The following MSRA variants were observed in gnomAD, a reference collection of about 807,000 sequenced individuals.
MSRA encodes mitochondrial peptide methionine sulfoxide reductase.
MSRA carries 54 observed loss-of-function variants against 31.3 expected under a neutral mutation model. The observed-to-expected ratio is 1.73, with a 90% CI of 1.39 to 2.17. MSRA has a LOEUF of 2.17. Ranked by LOEUF, MSRA falls within the 30% of genes most tolerant of loss-of-function variation. The pLI is 0.00. For missense variants in MSRA, 507 were observed against 300.9 expected (o/e 1.69, Z -5.07); for synonymous variants, 169 against 116.5 (o/e 1.45, Z -2.90).
intron 2 of MSRA, among the ~76,000 whole-genome samples, chr8:10,231,830 G>A (rs1585227694): frequency 6.6e-6 from 1 of 152,280 alleles, no homozygotes; most frequent in Non-Finnish European, 1.5e-5. Context: ...TTGAGCCTGG[G>A]AGGCAGAGGT....
intron 1 of MSRA, among the ~76,000 whole-genome samples, chr8:10,114,775 A>C (rs995403277): frequency 6.6e-6 from 1 of 152,224 alleles, no homozygotes; most frequent in Non-Finnish European, 1.5e-5. Context: ...CCTTAAATTA[A>C]TGAAAGACTC....
chr8:10,168,951 T>G (rs921775439), intron 1 of MSRA, among the ~76,000 whole-genome samples: 1 of 151,590 alleles, frequency 6.6e-6, no homozygotes, highest in Non-Finnish European at 1.5e-5. Flanking sequence ...ATATAAAGAT[T>G]GAGTTGTTAC....
chr8:10,186,399 A>G (rs1201451155), intron 1 of MSRA, among the ~76,000 whole-genome samples: 2 of 152,188 alleles, frequency 1.3e-5, no homozygotes, highest in Non-Finnish European at 2.9e-5. Flanking sequence ...CTGTGTTCCC[A>G]TTAAATTTTA....
intron 1 of MSRA, among the ~76,000 whole-genome samples, chr8:10,173,267 C>T (rs1264296818): frequency 1.3e-5 from 2 of 152,248 alleles, no homozygotes; most frequent in African/African-American, 4.8e-5. Flanking sequence ...TGTCTGCCTG[C>T]AGCCTTTGTT....
chr8:10,110,101 C>T (rs1186889873), intron 1 of MSRA, among the ~76,000 whole-genome samples: 2 of 152,200 alleles, frequency 1.3e-5, no homozygotes, highest in African/African-American at 4.8e-5. Context: ...CAGACATTCA[C>T]TGAGCCTCTG....
At chr8:10,062,307 C>G (rs1176984881) in intron 1 of MSRA, among the ~76,000 whole-genome samples, 1 of 152,210 alleles carries the variant, frequency 6.6e-6, no homozygotes, top group East Asian at 1.9e-4. Flanking sequence ...GTATGGAAGA[C>G]TGAATTCTAC....
chr8:10,324,036 G>A (rs1191174750), intron 5 of MSRA, among the ~76,000 whole-genome samples: 1 of 152,152 alleles, frequency 6.6e-6, no homozygotes, highest in Admixed American at 6.5e-5. Context: ...TTTCGTACCA[G>A]CTAATTGACT....
intron 3 of MSRA, among the ~76,000 whole-genome samples, chr8:10,277,170 C>G (rs1442079370): frequency 1.3e-5 from 2 of 152,120 alleles, no homozygotes; most frequent in Non-Finnish European, 2.9e-5. Context: ...TGACATTATT[C>G]TTATAAAATT....
rs148263599 is a variant in MSRA at position 10,159,237 on chromosome 8, C to T, written c.143-48596C>T. 8.5e-5 allele frequency among the ~76,000 whole-genome samples: 13 copies of T among 152,314 alleles called. No homozygotes were observed. In the East Asian group the frequency reaches 2.5e-3, roughly 29 times the overall value. The stretch of plus-strand genomic sequence containing the variant: ...GGGAGCGCTGAAACTGCATTTCCTG[C>T]CTGGGCACCTGCGTGAGGCCATCCA... On this transcript the variant is annotated intron_variant, in intron 1 of 5. Coordinates refer to ENST00000317173, the MANE Select transcript of MSRA (RefSeq NM_012331.5).
intron 3 of MSRA, among the ~76,000 whole-genome samples, chr8:10,253,724 G>C (rs1798032561): frequency 6.9e-6 from 1 of 144,060 alleles, no homozygotes; most frequent in East Asian, 2.0e-4. Context: ...GAGCCATAAT[G>C]TAATATGAGA....
chr8:10,126,700 G>C (rs1489581497), intron 1 of MSRA, among the ~76,000 whole-genome samples: 21 of 152,104 alleles, frequency 1.4e-4, no homozygotes, highest in Admixed American at 9.8e-4. Flanking sequence ...TTTTAGTAGA[G>C]GTGGGATTTT....
chr8:10,114,907 T>C (rs559853641), intron 1 of MSRA, among the ~76,000 whole-genome samples: 2 of 152,352 alleles, frequency 1.3e-5, no homozygotes, highest in African/African-American at 2.4e-5. Context: ...TCAACTGGAA[T>C]GTTTAAATGC....
Position 10,188,721 on chromosome 8 carries a change from A to G in MSRA, c.143-19112A>G, listed in dbSNP as rs534071945. Among the ~76,000 whole-genome samples, 13 of 152,338 alleles carry G rather than the reference A, an allele frequency of 8.5e-5. No homozygotes were observed. In the South Asian group the frequency reaches 2.1e-3, roughly 24 times the overall value. On this transcript the variant is annotated intron_variant, in intron 1 of 5. Coordinates refer to ENST00000317173, the MANE Select transcript of MSRA (RefSeq NM_012331.5). ...GTCACAATTAAATCCTGTCTTCTCT[A>G]TTCTGTTCCACTCATTTGTAGAACT...
chr8:10,348,431 G>A (rs549581936), intron 5 of MSRA, among the ~76,000 whole-genome samples: 33 of 145,746 alleles, frequency 2.3e-4, no homozygotes, highest in South Asian at 1.8e-3. Flanking sequence ...GTGCAGTGGC[G>A]TGATCTCGGC....
At chr8:10,344,658 C>A (rs1256187039) in intron 5 of MSRA, among the ~76,000 whole-genome samples, 1 of 144,264 alleles carries the variant, frequency 6.9e-6, no homozygotes, top group African/African-American at 2.6e-5. Context: ...AAGTAAGGAT[C>A]ATTAAGGATC....
chr8:10,330,276 C>T (rs1186724644), intron 5 of MSRA, among the ~76,000 whole-genome samples: 1 of 151,874 alleles, frequency 6.6e-6, no homozygotes, highest in Admixed American at 6.6e-5. Context: ...AAGCTGAGCC[C>T]CTTCAGTTTT....
At chr8:10,218,956 C>T (rs547789665) in intron 2 of MSRA, among the ~76,000 whole-genome samples, 47 of 152,282 alleles carry the variant, frequency 3.1e-4, no homozygotes, top group African/African-American at 1.1e-3. Context: ...AAGCTCTCTC[C>T]ACGGAGCAGC....
At position 10,054,780 on chromosome 8, in the gene MSRA, G is replaced by A. The variant is rs1053655471; in HGVS notation, c.142+122G>A. ...GCTGGCCTCGGGCGGGTCGCGGGGT[G>A]GGGGTCTGCGCAGGCGCGAAGGGGC... On this transcript the variant is annotated intron_variant, in intron 1 of 5. Coordinates refer to ENST00000317173, the MANE Select transcript of MSRA (RefSeq NM_012331.5). 2.1e-5 allele frequency: 24 copies of A among 1,167,194 alleles called. No homozygotes were observed. In the African/African-American group the frequency reaches 3.9e-4, roughly 19 times the overall value. The allele number at this position is 1,167,194 out of a possible 1,614,324, so 72.3% of individuals were successfully genotyped here.
At chr8:10,135,537 A>T (rs1413034474) in intron 1 of MSRA, among the ~76,000 whole-genome samples, 1 of 152,254 alleles carries the variant, frequency 6.6e-6, no homozygotes, top group Non-Finnish European at 1.5e-5. Context: ...GTATTATATT[A>T]GGTATTTAAT....
Sources: gnomAD v4.1 joint callset for allele counts (sites outside exome capture counted in the v4.1 genomes callset) on GRCh38, gnomAD v4.1.1 for gene constraint, MANE v1.5 for transcripts, NCBI Gene and HGNC (gene_info 2026-07-23, HGNC 2026-07-21) for gene names.